Variants in SIRPA observed in about 807,000 individuals in gnomAD.
SIRPA encodes tyrosine-protein phosphatase non-receptor type substrate 1.
Under a neutral mutation model 50.3 loss-of-function variants are expected in SIRPA, and 9 were observed. The observed-to-expected ratio is 0.18, with a 90% CI of 0.11 to 0.31. The LOEUF (loss-of-function observed/expected upper bound fraction) is 0.31, where lower values mean the gene tolerates loss of function less well. Among genes scored for constraint, SIRPA ranks in the 10% least tolerant of loss-of-function variants. SIRPA has a pLI of 1.00. For missense variants in SIRPA, 474 were observed against 661.6 expected, an observed-to-expected ratio of 0.72 and a Z score of 3.11; for synonymous variants, 265 against 284.1, an observed-to-expected ratio of 0.93 and a Z score of 0.68.
Position 1,927,997 on chromosome 20 carries a change from C to T in SIRPA, c.1226+98C>T. 3.0e-6 allele frequency: 3 copies of T among 1,002,442 alleles called. No homozygotes were observed. Among genetic ancestry groups the T allele is most frequent in the Non-Finnish European group, 4.8e-6 (3 of 623,330 alleles). 62.1% of individuals were successfully genotyped at this position (1,002,442 alleles called of 1,614,324 possible). A position where few individuals can be genotyped will look rare whatever the true frequency, so the allele number is the denominator to read the frequency against. ...CATAATCCATGTCCACTGACCTCAC[C>T]AATGTGTTGGTCAACATGTCTCTTT... On this transcript the variant is annotated intron_variant, in intron 6 of 7. Coordinates refer to ENST00000358771, the MANE Select transcript of SIRPA (RefSeq NM_001040023.2). This position sits in a 1 kb window ranked among gnomAD's most constrained non-coding sequence, Gnocchi z 6.5.
upstream of SIRPA, chr20:1,895,283 CGCGGCG>C (rs926889796): frequency 9.2e-4 from 406 of 440,996 alleles, 3 homozygotes; most frequent in East Asian, 9.4e-3. Context: ...CTCCAAAAAC[CGCGGCG>C]GCGGCGGCGG....
At chr20:1,901,240 G>A (rs1249728464) in intron 1 of SIRPA, among the ~76,000 whole-genome samples, 3 of 137,280 alleles carry the variant, frequency 2.2e-5, no homozygotes, top group African/African-American at 5.6e-5. Context: ...GTGCGACCTC[G>A]GCTCACTGCA....
At position 1,932,538 on chromosome 20, in the gene SIRPA, C is replaced by T. The variant is rs2284296; in HGVS notation, c.1227-2177C>T. Among the ~76,000 whole-genome samples the T allele has an allele frequency of 0.46, 70,080 of 152,112 alleles. 18,665 individuals carry two copies. Among genetic ancestry groups the T allele is most frequent in the African/African-American group, 0.74 (30,754 of 41,494 alleles). On this transcript the variant is annotated intron_variant, in intron 6 of 7. Coordinates refer to ENST00000358771, the MANE Select transcript of SIRPA (RefSeq NM_001040023.2). The surrounding 1 kb of genome is among the most constrained non-coding windows in gnomAD (Gnocchi z 6.0). ...AGGGATGGAGCCTAGAGCAGTTGGCCGAGCTGAGCCTTGGAGCTGGTGTCA... is the reference window on the plus strand; with the variant it reads ...AGGGATGGAGCCTAGAGCAGTTGGCTGAGCTGAGCCTTGGAGCTGGTGTCA...
chr20:1,922,149 A>G (rs187731381), intron 3 of SIRPA, among the ~76,000 whole-genome samples, 164 bp from the exon 4 acceptor site: 6 of 152,284 alleles, frequency 3.9e-5, no homozygotes, highest in Non-Finnish European at 7.4e-5. Flanking sequence ...TGTGCTTAGT[A>G]ATTTCATTCA....
intron 2 of SIRPA, among the ~76,000 whole-genome samples, chr20:1,916,687 C>T (rs1444104110): frequency 1.3e-5 from 2 of 152,194 alleles, no homozygotes; most frequent in African/African-American, 4.8e-5. Flanking sequence ...CTACAGAATA[C>T]TCCAGCTTAT....
chr20:1,921,879 A>AT (rs1985683248), intron 3 of SIRPA, among the ~76,000 whole-genome samples, 167 bp downstream of exon 3: 1 of 151,610 alleles, frequency 6.6e-6, no homozygotes, highest in Non-Finnish European at 1.5e-5. Context: ...ACTTACTAAC[A>AT]TTTTAATGGC....
rs1160029456 is a variant in SIRPA at position 1,939,987 on chromosome 20, T to C, written c.*2419T>C. On this transcript the variant is annotated 3_prime_UTR_variant, in exon 8 of 8. Coordinates refer to ENST00000358771, the MANE Select transcript of SIRPA (RefSeq NM_001040023.2). This position sits in a 1 kb window ranked among gnomAD's most constrained non-coding sequence, Gnocchi z 4.7. ...CCTCCTGCCAAAGCCTGGAAGAGGATTGAATGGACCCCAGGGTTTGGAAAC... is the reference window on the plus strand; with the variant it reads ...CCTCCTGCCAAAGCCTGGAAGAGGACTGAATGGACCCCAGGGTTTGGAAAC... 3 of 152,412 alleles carry C rather than the reference T, an allele frequency of 2.0e-5. No homozygotes were observed. The highest frequency in any genetic ancestry group is 4.4e-5 in the Non-Finnish European group (3 of 68,048). 9.4% of individuals were successfully genotyped at this position (152,412 alleles called of 1,614,324 possible). A position where few individuals can be genotyped will look rare whatever the true frequency, so the allele number is the denominator to read the frequency against.
chr20:1,900,644 C>T (rs979387482), intron 1 of SIRPA, among the ~76,000 whole-genome samples: 14 of 152,206 alleles, frequency 9.2e-5, no homozygotes, highest in Non-Finnish European at 1.0e-4. Context: ...AAAAACTGGC[C>T]GGGCCCACGC....
upstream of SIRPA, chr20:1,894,859 G>A (rs1983663787): frequency 6.8e-6 from 1 of 147,686 alleles, no homozygotes; most frequent in African/African-American, 2.4e-5. This position sits in a 1 kb window ranked among gnomAD's most constrained non-coding sequence, Gnocchi z 4.0. Context: ...GGAGGGGAAA[G>A]GGAAGGAGGG....
chr20:1,909,552 C>T (rs952973889), intron 1 of SIRPA, among the ~76,000 whole-genome samples: 15 of 152,170 alleles, frequency 9.9e-5, no homozygotes, highest in African/African-American at 3.1e-4. Context: ...GAGGCTGAGG[C>T]GGGCAGATCG....
In SIRPA at chr20:1,932,671, G is replaced by A. The variant is rs1191665424; in HGVS notation, c.1227-2044G>A. On this transcript the variant is annotated intron_variant, in intron 6 of 7. Coordinates refer to ENST00000358771, the MANE Select transcript of SIRPA (RefSeq NM_001040023.2). The surrounding 1 kb of genome is among the most constrained non-coding windows in gnomAD (Gnocchi z 6.0). Reference sequence around the variant, plus strand: ...GGGAGAATGGAGGGCAGGGAAGCAGGAATAGAGGTGGGGAGATCAAGGAGG... The same window carrying A: ...GGGAGAATGGAGGGCAGGGAAGCAGAAATAGAGGTGGGGAGATCAAGGAGG... Among the ~76,000 whole-genome samples, 1 of 152,168 alleles carries A rather than the reference G, an allele frequency of 6.6e-6. No homozygotes were observed. Among genetic ancestry groups the A allele is most frequent in the Non-Finnish European group, 1.5e-5 (1 of 68,042 alleles).
At chr20:1,900,222 T>A (rs1453432870) in intron 1 of SIRPA, among the ~76,000 whole-genome samples, 1 of 150,548 alleles carries the variant, frequency 6.6e-6, no homozygotes, top group Admixed American at 6.7e-5. Flanking sequence ...TGCCTCAGCC[T>A]CCCGAGTAGC....
At chr20:1,914,125 A>G (rs900310814) in intron 1 of SIRPA, among the ~76,000 whole-genome samples, 14 of 152,308 alleles carry the variant, frequency 9.2e-5, no homozygotes, top group Admixed American at 1.3e-4. Context: ...TATTCAATGT[A>G]TAGTAACAAC....
intron 1 of SIRPA, among the ~76,000 whole-genome samples, chr20:1,909,153 G>A (rs912734206): frequency 2.0e-5 from 3 of 152,364 alleles, no homozygotes; most frequent in Admixed American, 1.3e-4. Flanking sequence ...GTTGAGCCCT[G>A]TGTACTGCCA....
rs1390297093 is a variant in SIRPA at position 1,936,406 on chromosome 20, C to A, written c.1267-914C>A. ...ATCTCATTCCATCCTCACAGCAACC[C>A]TGGCAGTAGACACTATTATCATCCC... On this transcript the variant is annotated intron_variant, in intron 7 of 7. Transcript: ENST00000358771. This position sits in a 1 kb window ranked among gnomAD's most constrained non-coding sequence, Gnocchi z 4.2. Among the ~76,000 whole-genome samples, 3 of 152,282 alleles carry A rather than the reference C, an allele frequency of 2.0e-5. No individual in the cohort carries two copies. In the East Asian group the frequency reaches 5.8e-4, roughly 29 times the overall value.
chr20:1,913,733 T>C (rs1161553814), intron 1 of SIRPA, among the ~76,000 whole-genome samples: 1 of 152,224 alleles, frequency 6.6e-6, no homozygotes, highest in Non-Finnish European at 1.5e-5. Context: ...GATCATGATC[T>C]TTCTTTTTTT....
rs1443411710 is a variant in SIRPA at position 1,936,079 on chromosome 20, G to T, written c.1267-1241G>T. 3.3e-5 allele frequency among the ~76,000 whole-genome samples: 5 copies of T among 152,068 alleles called. No individual in the cohort carries two copies. The highest frequency in any genetic ancestry group is 7.4e-5 in the Non-Finnish European group (5 of 68,018). ...CAGGGTTGTGGTAAGAGTGGATGGG[G>T]TGATCTATGTGATTGTGTGCTGCTT... is the stretch of plus-strand genomic sequence containing the variant. On this transcript the variant is annotated intron_variant, in intron 7 of 7. Transcript: ENST00000358771. This position sits in a 1 kb window ranked among gnomAD's most constrained non-coding sequence, Gnocchi z 4.2.
chr20:1,937,219 G>A lies in SIRPA; in HGVS notation c.1267-101G>A. On this transcript the variant is annotated intron_variant, in intron 7 of 7. Coordinates refer to ENST00000358771, the MANE Select transcript of SIRPA (RefSeq NM_001040023.2). This position sits in a 1 kb window ranked among gnomAD's most constrained non-coding sequence, Gnocchi z 8.3. Reference sequence around the variant, plus strand: ...ATGGCTGAGCCAGTGTGGGCCGAGAGGACACAGAAGCATCCAGACTTGGTA... The same window carrying A: ...ATGGCTGAGCCAGTGTGGGCCGAGAAGACACAGAAGCATCCAGACTTGGTA... The A allele has an allele frequency of 1.4e-6, 2 of 1,400,238 alleles. No individual in the cohort carries two copies. The highest frequency in any genetic ancestry group is 2.0e-6 in the Non-Finnish European group (2 of 1,020,002). 86.7% of individuals were successfully genotyped at this position (1,400,238 alleles called of 1,614,324 possible).
intron 1 of SIRPA, among the ~76,000 whole-genome samples, chr20:1,914,645 A>G (rs1600418205): frequency 6.6e-6 from 1 of 152,226 alleles, no homozygotes; most frequent in East Asian, 1.9e-4. Context: ...CCTACTGCCC[A>G]AACCGCTGAG....
Sources: allele counts gnomAD v4.1 joint callset (sites outside exome capture counted in the v4.1 genomes callset), GRCh38; gene constraint gnomAD v4.1.1; non-coding constraint Gnocchi (gnomAD v3.1); transcripts MANE v1.5; gene names NCBI Gene and HGNC (gene_info 2026-07-23, HGNC 2026-07-21).